The following SLC39A11 variants were observed in gnomAD, a reference collection of about 807,000 sequenced individuals.
SLC39A11 encodes solute carrier family 39 member 11.
In SLC39A11, 33 loss-of-function variants were observed where a neutral mutation model predicts 36.1. That is an observed-to-expected ratio of 0.91 (90% CI 0.69 to 1.22). The LOEUF (loss-of-function observed/expected upper bound fraction) is 1.22. Among genes scored for constraint, SLC39A11 ranks in the 50% most tolerant of loss-of-function variants. The pLI, the probability that SLC39A11 is intolerant of heterozygous loss-of-function variation, is 0.00. For missense variants in SLC39A11, 432 were observed against 430.3 expected (o/e 1.00, Z -0.03); for synonymous variants, 166 against 170.3 (o/e 0.97, Z 0.20).
chr17:72,754,019 T>C (rs2075259852), intron 6 of SLC39A11, among the ~76,000 whole-genome samples: 1 of 46,796 alleles, frequency 2.1e-5, no homozygotes, highest in Non-Finnish European at 4.0e-5. Flanking sequence ...TATGTATATA[T>C]GTATATATAT....
chr17:72,982,614 A>T (rs1478857554), intron 4 of SLC39A11, among the ~76,000 whole-genome samples: 2 of 152,074 alleles, frequency 1.3e-5, no homozygotes, highest in African/African-American at 4.8e-5. Context: ...TTGTTTCTTT[A>T]AAGTGGTGGA....
At chr17:72,719,598 G>A (rs1265506330) in intron 7 of SLC39A11, among the ~76,000 whole-genome samples, 2 of 152,214 alleles carry the variant, frequency 1.3e-5, no homozygotes, top group African/African-American at 2.4e-5. Flanking sequence ...TGGGGAGGAC[G>A]GACAGGGCAG....
chr17:73,003,291 G>A (rs1045447050), intron 4 of SLC39A11, among the ~76,000 whole-genome samples: 2 of 152,194 alleles, frequency 1.3e-5, no homozygotes, highest in South Asian at 2.1e-4. Flanking sequence ...CCAGCTTGAC[G>A]GGCCGGGAAT....
intron 7 of SLC39A11, among the ~76,000 whole-genome samples, chr17:72,688,943 C>T (rs896500541): frequency 2.0e-5 from 3 of 152,160 alleles, no homozygotes; most frequent in Non-Finnish European, 4.4e-5. Flanking sequence ...TGTCTATTCA[C>T]ACCCCGCAGG....
intron 5 of SLC39A11, among the ~76,000 whole-genome samples, chr17:72,891,999 A>G (rs1003291159): frequency 1.3e-5 from 2 of 151,896 alleles, no homozygotes; most frequent in African/African-American, 2.4e-5. Context: ...GATGTGCTGA[A>G]TGAATACTAT....
intron 3 of SLC39A11, among the ~76,000 whole-genome samples, chr17:73,058,338 C>T (rs1293762895): frequency 6.6e-6 from 1 of 152,114 alleles, no homozygotes; most frequent in Non-Finnish European, 1.5e-5. Flanking sequence ...AGAAAATATC[C>T]GCAGAGTAAA....
At chr17:72,838,892 A>G (rs2078687523) in intron 6 of SLC39A11, 1 of 152,202 alleles carries the variant, frequency 6.6e-6, no homozygotes, top group Admixed American at 6.5e-5. Flanking sequence ...CAGGCAGGGG[A>G]AAAGGGCCCA....
At chr17:73,080,292 T>G (rs962755597) in intron 3 of SLC39A11, among the ~76,000 whole-genome samples, 1 of 152,130 alleles carries the variant, frequency 6.6e-6, no homozygotes, top group Non-Finnish European at 1.5e-5. Context: ...AATAGACATG[T>G]AGACCAATGG....
chr17:72,910,991 C>T (rs1389413780), intron 5 of SLC39A11, among the ~76,000 whole-genome samples: 2 of 151,662 alleles, frequency 1.3e-5, no homozygotes, highest in African/African-American at 2.4e-5. Context: ...TAGCACCACA[C>T]TTTGCCCAGA....
chr17:72,774,961 C>G (rs1407262619), intron 6 of SLC39A11, among the ~76,000 whole-genome samples: 1 of 151,776 alleles, frequency 6.6e-6, no homozygotes, highest in African/African-American at 2.4e-5. Flanking sequence ...TTTCAGGCAC[C>G]CATTGTCAAG....
intron 6 of SLC39A11, among the ~76,000 whole-genome samples, chr17:72,771,936 G>C (rs1568063948): frequency 1.3e-5 from 2 of 152,142 alleles, no homozygotes; most frequent in Non-Finnish European, 2.9e-5. Flanking sequence ...TCCAAGAGGG[G>C]AGCCTCTTTC....
chr17:72,847,380 C>T (rs143543572), intron 6 of SLC39A11, among the ~76,000 whole-genome samples: 26 of 144,724 alleles, frequency 1.8e-4, no homozygotes, highest in Admixed American at 3.6e-4. Context: ...CCAGCCTGGG[C>T]GACAGAGCGA....
intron 4 of SLC39A11, among the ~76,000 whole-genome samples, chr17:72,978,627 G>C (rs998852986): frequency 2.6e-5 from 4 of 152,072 alleles, no homozygotes; most frequent in African/African-American, 9.7e-5. Context: ...TTCTAAGAAG[G>C]GGGTGGGGAG....
At chr17:72,936,985 C>A (rs932872077) in intron 5 of SLC39A11, among the ~76,000 whole-genome samples, 1 of 152,214 alleles carries the variant, frequency 6.6e-6, no homozygotes, top group Non-Finnish European at 1.5e-5. Context: ...AGGCCACAGA[C>A]CCATACTGGT....
At chr17:72,856,389 A>C (rs1288882033) in intron 5 of SLC39A11, among the ~76,000 whole-genome samples, 1 of 152,234 alleles carries the variant, frequency 6.6e-6, no homozygotes, top group Non-Finnish European at 1.5e-5. Flanking sequence ...GCCTCTTTAA[A>C]TAACAGTAAT....
intron 7 of SLC39A11, among the ~76,000 whole-genome samples, chr17:72,665,399 T>TTTTTTTTTTTTTTTTTTTTTG (rs2070701968): frequency 9.4e-6 from 1 of 106,462 alleles, no homozygotes; most frequent in Non-Finnish European, 2.2e-5. Flanking sequence ...GTTTTTTTTT[T>TTTTTTTTTTTTTTTTTTTTTG]TTTTTTTTTT....
intron 3 of SLC39A11, among the ~76,000 whole-genome samples, chr17:73,055,278 A>G (rs2059629116): frequency 6.6e-6 from 1 of 152,066 alleles, no homozygotes; most frequent in East Asian, 1.9e-4. Context: ...TCATGCACAT[A>G]TTTGGGCACA....
intron 7 of SLC39A11, among the ~76,000 whole-genome samples, chr17:72,681,702 C>T (rs1356883475): frequency 6.6e-6 from 1 of 152,214 alleles, no homozygotes; most frequent in African/African-American, 2.4e-5. Context: ...TCTTCTGTCT[C>T]TGCCACCCCA....
At chr17:72,906,287 C>G (rs1377468967) in intron 5 of SLC39A11, among the ~76,000 whole-genome samples, 1 of 152,252 alleles carries the variant, frequency 6.6e-6, no homozygotes, top group Non-Finnish European at 1.5e-5. Context: ...AGGAAGTCAG[C>G]CAGAGGTCTG....
Sources: gnomAD v4.1 joint callset for allele counts (sites outside exome capture counted in the v4.1 genomes callset) on GRCh38, gnomAD v4.1.1 for gene constraint, MANE v1.5 for transcripts, NCBI Gene and HGNC (gene_info 2026-07-23, HGNC 2026-07-21) for gene names.